STARD9: variants seen among roughly 807,000 people sequenced by gnomAD.
STARD9 encodes stAR-related lipid transfer protein 9.
In STARD9, 346 loss-of-function variants were observed where a neutral mutation model predicts 399.8. The observed-to-expected ratio is 0.87, with a 90% CI of 0.79 to 0.95. The LOEUF (loss-of-function observed/expected upper bound fraction) is 0.95. STARD9 is among the 40% of genes least tolerant of loss of function. STARD9 has a pLI of 0.00. For synonymous variants in STARD9, 2,203 were observed against 2,143.5 expected (o/e 1.03, Z -0.77); for missense variants, 5,832 against 5,667.5 (o/e 1.03, Z -0.93).
At chr15:42,681,843 C>T (rs575070902) in intron 21 of STARD9, among the ~76,000 whole-genome samples, 1 of 152,130 alleles carries the variant, frequency 6.6e-6, no homozygotes, top group Admixed American at 6.5e-5. Context: ...CTCCTACTTA[C>T]TGCTCCTCAT....
chr15:42,577,086 G>A (rs1234333224), intron 1 of STARD9, among the ~76,000 whole-genome samples: 4 of 152,116 alleles, frequency 2.6e-5, no homozygotes, highest in African/African-American at 9.7e-5. Context: ...GGGTTCTCAG[G>A]ATAACAGTAT....
chr15:42,610,027 A>G (rs1242993594), intron 3 of STARD9, among the ~76,000 whole-genome samples: 2 of 152,096 alleles, frequency 1.3e-5, no homozygotes, highest in African/African-American at 2.4e-5. Flanking sequence ...CAGGAGGTGG[A>G]GGTTGCAGTA....
intron 26 of STARD9, among the ~76,000 whole-genome samples, chr15:42,710,792 A>G (rs1047336955): frequency 1.3e-5 from 2 of 152,064 alleles, no homozygotes; most frequent in African/African-American, 4.8e-5. Context: ...ATCTGCTCCA[A>G]GCCTCTTTCC....
chr15:42,665,058 G>A (rs1373608894), intron 13 of STARD9, among the ~76,000 whole-genome samples, 195 bp from the exon 14 acceptor site: 3 of 152,078 alleles, frequency 2.0e-5, no homozygotes, highest in Non-Finnish European at 4.4e-5. Flanking sequence ...GTCTGGGGTG[G>A]GCCAAACTGT....
chr15:42,612,410 A>G (rs2141817471), intron 3 of STARD9, among the ~76,000 whole-genome samples: 1 of 152,364 alleles, frequency 6.6e-6, no homozygotes, highest in South Asian at 2.1e-4. Flanking sequence ...AAGAAGTGAC[A>G]TAAAACATGG....
intron 16 of STARD9, chr15:42,673,814 C>A: frequency 2.4e-6 from 1 of 415,714 alleles, no homozygotes. Context: ...TCAACTAATC[C>A]ACTGATTCAT....
chr15:42,608,951 A>G (rs1328743992), intron 3 of STARD9, among the ~76,000 whole-genome samples: 1 of 152,150 alleles, frequency 6.6e-6, no homozygotes. Flanking sequence ...CCGAGCATGC[A>G]CTGTGCGTTG....
At chr15:42,595,838 C>T (rs2058492147) in intron 3 of STARD9, among the ~76,000 whole-genome samples, 1 of 152,160 alleles carries the variant, frequency 6.6e-6, no homozygotes. Context: ...GGAGGGGTTA[C>T]CATGAGTGTT....
chr15:42,614,460 A>G (rs1257619145), intron 3 of STARD9, among the ~76,000 whole-genome samples: 1 of 152,254 alleles, frequency 6.6e-6, no homozygotes. Context: ...TACTCTAGTA[A>G]CAAGATACCA....
intron 3 of STARD9, among the ~76,000 whole-genome samples, chr15:42,613,009 AAG>A (rs1555391243): frequency 2.0e-5 from 3 of 149,650 alleles, no homozygotes; most frequent in Non-Finnish European, 4.5e-5. Flanking sequence ...AAAAAAAAAA[AAG>A]AGCAACATCT....
chr15:42,647,980 A>G (rs2059678211), intron 7 of STARD9, among the ~76,000 whole-genome samples: 1 of 152,220 alleles, frequency 6.6e-6, no homozygotes, highest in Non-Finnish European at 1.5e-5. Context: ...TTCTTCCCAG[A>G]CAATAAACCT....
At chr15:42,589,233 ATAGAGATAGGGTC>A (rs983187409) in intron 3 of STARD9, among the ~76,000 whole-genome samples, 105 of 152,024 alleles carry the variant, frequency 6.9e-4, no homozygotes, top group African/African-American at 2.4e-3. Flanking sequence ...ATTATTTTTA[ATAGAGATAGGGTC>A]TTGCTGTATT....
chr15:42,660,023 C>T (rs956144088), intron 9 of STARD9, among the ~76,000 whole-genome samples: 4 of 152,078 alleles, frequency 2.6e-5, no homozygotes, highest in Admixed American at 6.5e-5. Flanking sequence ...GGAATAATAG[C>T]AGTAAAAATG....
chr15:42,648,930 CTTGCTAATG>C (rs1423320677), intron 7 of STARD9, among the ~76,000 whole-genome samples: 1 of 151,998 alleles, frequency 6.6e-6, no homozygotes, highest in East Asian at 1.9e-4. Context: ...GACATGAAGT[CTTGCTAATG>C]TTGCCCAGAC....
At chr15:42,712,096 T>TATAAAATATAAAATATA (rs1566966126) in intron 26 of STARD9, among the ~76,000 whole-genome samples, 2 of 508 alleles carry the variant, frequency 3.9e-3, no homozygotes, top group Non-Finnish European at 0.012. Context: ...TATATATATA[T>TATAAAATATAAAATATA]AATATATAAT....
intron 20 of STARD9, among the ~76,000 whole-genome samples, chr15:42,677,404 A>G (rs971369978): frequency 3.3e-5 from 5 of 152,230 alleles, no homozygotes; most frequent in East Asian, 1.9e-4. Context: ...TGAGAGCTCT[A>G]TGGGATGGAG....
At chr15:42,651,497 A>G (rs1566904789) in intron 8 of STARD9, among the ~76,000 whole-genome samples, 3 of 152,210 alleles carry the variant, frequency 2.0e-5, no homozygotes, top group African/African-American at 7.2e-5. Flanking sequence ...GTAGCCCCTC[A>G]AAAGACTGTT....
chr15:42,691,985 T>C lies in STARD9; in HGVS notation c.10407T>C (p.Tyr3469=), dbSNP rs2060718828. The stretch of plus-strand genomic sequence containing the variant: ...TTGGCTCCAGTGACATCAGTCCCTA[T>C]GCGCTGCCGTGGCGTCCGGAGGAGC... ...LHFGSSDISP[Y]ALPWRPEEPA... Residue 3469 remains tyrosine (Y), a synonymous_variant, in exon 23 of 33, where the codon TAT becomes TAC. Transcript: ENST00000290607. The C allele has an allele frequency of 6.5e-7, 1 of 1,537,254 alleles. No homozygotes were observed. The highest frequency in any genetic ancestry group is 8.7e-7 in the Non-Finnish European group (1 of 1,146,894).
rs1378423709 is a variant in STARD9 at position 42,691,264 on chromosome 15, G to T, written c.9686G>T (p.Gly3229Val). 1 of 1,537,228 alleles carries T rather than the reference G, an allele frequency of 6.5e-7. No homozygotes were observed. The highest frequency in any genetic ancestry group is 1.4e-5 in the African/African-American group (1 of 73,162). ...ASGGGEGFAQ[G>V]VNPLPDEDGL... ...GGTGGTGGAGAAGGCTTCGCCCAGG[G>T]TGTGAATCCCCTTCCTGATGAAGAT... is the stretch of plus-strand genomic sequence containing the variant. The change falls in exon 23 of 33, where the codon GGT becomes GTT. Residue 3229 changes from glycine (G) to valine (V), a missense_variant. Transcript: ENST00000290607.
Sources: allele counts gnomAD v4.1 joint callset (sites outside exome capture counted in the v4.1 genomes callset), GRCh38; gene constraint gnomAD v4.1.1; transcripts MANE v1.5; gene names NCBI Gene and HGNC (gene_info 2026-07-23, HGNC 2026-07-21).